PDE4D: variants seen among roughly 807,000 people sequenced by gnomAD.
PDE4D encodes the protein phosphodiesterase 4D.
A neutral mutation model predicts 87.4 loss-of-function variants in PDE4D; 24 were observed. The ratio of observed to expected loss-of-function variants is 0.27; its 90% CI spans 0.20 to 0.39. The LOEUF is 0.39. Among genes scored for constraint, PDE4D ranks in the 10% least tolerant of loss-of-function variants. The pLI is 1.00. For synonymous variants in PDE4D, 384 were observed against 383.2 expected (o/e 1.00, Z -0.02); for missense variants, 714 against 1,041.0 (o/e 0.69, Z 4.32).
At chr5:59,626,653 G>A (rs1279106852) in intron 1 of PDE4D, among the ~76,000 whole-genome samples, 2 of 152,124 alleles carry the variant, frequency 1.3e-5, no homozygotes, top group African/African-American at 4.8e-5. Context: ...ATAGTGAAAG[G>A]ATGAGCATTA....
At chr5:59,406,835 A>C (rs1483713876) in intron 1 of PDE4D, among the ~76,000 whole-genome samples, 1 of 152,060 alleles carries the variant, frequency 6.6e-6, no homozygotes, top group Non-Finnish European at 1.5e-5. Flanking sequence ...TAGGGCTACG[A>C]AGTTTATTTT....
intron 2 of PDE4D, among the ~76,000 whole-genome samples, chr5:60,104,317 C>A (rs1217744935): frequency 6.6e-6 from 1 of 152,190 alleles, no homozygotes; most frequent in Non-Finnish European, 1.5e-5. Flanking sequence ...GAGAGGCGCC[C>A]ACCATTGCCC....
At chr5:60,346,757 T>C (rs1758781039) in intron 1 of PDE4D, among the ~76,000 whole-genome samples, 1 of 152,166 alleles carries the variant, frequency 6.6e-6, no homozygotes. Flanking sequence ...ACACTCCTAT[T>C]TGCTCTTACA....
At chr5:60,514,703 T>C (rs1204982105) in intron 1 of PDE4D, among the ~76,000 whole-genome samples, 1 of 151,082 alleles carries the variant, frequency 6.6e-6, no homozygotes, top group Non-Finnish European at 1.5e-5. Flanking sequence ...TAAAAGGTGT[T>C]TACAAAAAAA....
At chr5:59,377,491 G>A (rs1404513164) in intron 1 of PDE4D, among the ~76,000 whole-genome samples, 2 of 151,224 alleles carry the variant, frequency 1.3e-5, no homozygotes, top group African/African-American at 4.9e-5. Context: ...TGACAAATGA[G>A]ATCTAATTAA....
chr5:60,089,435 A>G (rs1165116900), intron 2 of PDE4D, among the ~76,000 whole-genome samples: 1 of 152,068 alleles, frequency 6.6e-6, no homozygotes, highest in East Asian at 1.9e-4. Context: ...CATGCTACTG[A>G]AAAACAAATT....
intron 5 of PDE4D, among the ~76,000 whole-genome samples, chr5:59,114,927 G>C (rs1254334163): frequency 1.3e-5 from 2 of 152,094 alleles, no homozygotes; most frequent in African/African-American, 4.8e-5. Context: ...CTTTCTAGAA[G>C]TTTGGGTGCG....
chr5:59,623,380 C>T (rs1215249878), intron 1 of PDE4D, among the ~76,000 whole-genome samples: 4 of 152,124 alleles, frequency 2.6e-5, no homozygotes, highest in Admixed American at 2.6e-4. Context: ...CCCTGTTGCC[C>T]TCAATAACAA....
intron 1 of PDE4D, among the ~76,000 whole-genome samples, chr5:59,410,829 G>T (rs760358429): frequency 3.3e-5 from 5 of 151,964 alleles, no homozygotes; most frequent in Non-Finnish European, 5.9e-5. Flanking sequence ...TATTTTTTTA[G>T]ACAATTTTTA....
At chr5:59,151,831 T>C (rs1779522141) in intron 5 of PDE4D, among the ~76,000 whole-genome samples, 1 of 151,256 alleles carries the variant, frequency 6.6e-6, no homozygotes, top group Admixed American at 6.6e-5. Context: ...GAGCTGGGAA[T>C]GAATAGGGTG....
At chr5:59,098,994 A>G (rs1770268465) in intron 5 of PDE4D, among the ~76,000 whole-genome samples, 1 of 152,212 alleles carries the variant, frequency 6.6e-6, no homozygotes, top group East Asian at 1.9e-4. Context: ...AGTTGGCTGC[A>G]TCAATCTCTT....
At chr5:59,197,817 A>G (rs1285302734) in intron 2 of PDE4D, among the ~76,000 whole-genome samples, 3 of 152,218 alleles carry the variant, frequency 2.0e-5, no homozygotes, top group Admixed American at 6.5e-5. Context: ...CATATGCTCA[A>G]AAAAATCCTA....
At chr5:60,208,845 G>T (rs186451370) in intron 1 of PDE4D, among the ~76,000 whole-genome samples, 68 of 152,318 alleles carry the variant, frequency 4.5e-4, no homozygotes, top group African/African-American at 1.6e-3. Flanking sequence ...ACACTATCCA[G>T]CATGCAGAAG....
intron 2 of PDE4D, among the ~76,000 whole-genome samples, chr5:60,105,119 A>G (rs1282359001): frequency 6.6e-6 from 1 of 152,210 alleles, no homozygotes; most frequent in Admixed American, 6.5e-5. Flanking sequence ...TTTGAAAAAA[A>G]TTTAGACGAA....
intron 1 of PDE4D, among the ~76,000 whole-genome samples, chr5:60,324,916 A>C (rs1039779565): frequency 6.6e-6 from 1 of 152,232 alleles, no homozygotes; most frequent in African/African-American, 2.4e-5. Flanking sequence ...TTCTAAAGAG[A>C]TCTTATTCAG....
intron 1 of PDE4D, among the ~76,000 whole-genome samples, chr5:59,559,648 G>T (rs1819606508): frequency 1.3e-5 from 2 of 152,020 alleles, no homozygotes; most frequent in African/African-American, 4.8e-5. Flanking sequence ...TAGCTCATGA[G>T]TATGTTTCCA....
At chr5:59,605,606 G>T (rs1323777050) in intron 1 of PDE4D, among the ~76,000 whole-genome samples, 24 of 152,030 alleles carry the variant, frequency 1.6e-4, no homozygotes, top group African/African-American at 5.6e-4. Context: ...TCAAACAGGG[G>T]TTCAAACTCC....
At chr5:59,916,274 A>C (rs1409310677) in intron 3 of PDE4D, among the ~76,000 whole-genome samples, 1 of 152,214 alleles carries the variant, frequency 6.6e-6, no homozygotes, top group African/African-American at 2.4e-5. Context: ...AGGAAATACT[A>C]ATTAGCATTT....
chr5:60,148,728 T>C (rs1194577771), intron 2 of PDE4D, among the ~76,000 whole-genome samples: 1 of 152,328 alleles, frequency 6.6e-6, no homozygotes, highest in Non-Finnish European at 1.5e-5. Flanking sequence ...TGGGAACTTA[T>C]AGTAGGACAT....
Sources: allele counts gnomAD v4.1 joint callset (sites outside exome capture counted in the v4.1 genomes callset), GRCh38; gene constraint gnomAD v4.1.1; transcripts MANE v1.5; gene names NCBI Gene and HGNC (gene_info 2026-07-23, HGNC 2026-07-21).